The following CCSER1 variants were observed in gnomAD, a reference collection of about 807,000 sequenced individuals.
CCSER1 encodes coiled-coil serine rich protein 1, also known as serine-rich coiled-coil domain-containing protein 1.
Under a neutral mutation model 82.0 loss-of-function variants are expected in CCSER1, and 41 were observed. That is an observed-to-expected ratio of 0.50 (90% CI 0.39 to 0.65). The LOEUF (loss-of-function observed/expected upper bound fraction) is 0.65, where lower values mean the gene tolerates loss of function less well. Ranked by LOEUF, CCSER1 falls within the 30% of genes least tolerant of loss-of-function variation. CCSER1 has a pLI of 0.00. For missense variants in CCSER1, 1,119 were observed against 1,064.2 expected (o/e 1.05, Z -0.72); for synonymous variants, 414 against 383.9 (o/e 1.08, Z -0.92).
At chr4:91,392,363 G>GCA (rs142343973) in intron 10 of CCSER1, among the ~76,000 whole-genome samples, 2,401 of 148,172 alleles carry the variant, frequency 0.016, 44 homozygotes, top group African/African-American at 0.028. Flanking sequence ...ACCTACACAT[G>GCA]CACACACACA....
intron 7 of CCSER1, among the ~76,000 whole-genome samples, chr4:90,775,444 C>T (rs1033114118): frequency 1.3e-5 from 2 of 152,042 alleles, no homozygotes; most frequent in Admixed American, 6.6e-5. Context: ...AAATATAAAA[C>T]ATGGAGAGAC....
At chr4:91,067,119 G>T (rs1257290162) in intron 9 of CCSER1, among the ~76,000 whole-genome samples, 3 of 150,838 alleles carry the variant, frequency 2.0e-5, no homozygotes, top group Non-Finnish European at 4.4e-5. Flanking sequence ...AGCAGAGATC[G>T]CGCCACTGCA....
At chr4:90,540,691 G>T (rs1347888252) in intron 5 of CCSER1, among the ~76,000 whole-genome samples, 1 of 152,014 alleles carries the variant, frequency 6.6e-6, no homozygotes, top group Admixed American at 6.6e-5. Flanking sequence ...GAGTAACATG[G>T]CAGAGAGCTT....
chr4:90,194,852 C>A (rs6840859), intron 1 of CCSER1, among the ~76,000 whole-genome samples: 6 of 151,832 alleles, frequency 4.0e-5, no homozygotes, highest in Non-Finnish European at 8.8e-5. Context: ...AATGAGTATA[C>A]TCTTACTGTA....
intron 5 of CCSER1, among the ~76,000 whole-genome samples, chr4:90,555,590 G>A (rs1289989345): frequency 1.3e-5 from 2 of 151,962 alleles, no homozygotes; most frequent in Admixed American, 1.3e-4. Flanking sequence ...GTGTCAGAAT[G>A]ATTTGAATAT....
intron 7 of CCSER1, among the ~76,000 whole-genome samples, chr4:90,752,587 G>A (rs77892301): frequency 0.19 from 28,873 of 151,930 alleles, 3,329 homozygotes; most frequent in South Asian, 0.27. Flanking sequence ...TTTTCTTCCT[G>A]GGAGGTGAAA....
chr4:90,131,954 A>G (rs927887373), intron 1 of CCSER1, among the ~76,000 whole-genome samples: 1 of 152,340 alleles, frequency 6.6e-6, no homozygotes, highest in South Asian at 2.1e-4. Flanking sequence ...GAGCCTGTAC[A>G]TTCAATATGA....
intron 10 of CCSER1, among the ~76,000 whole-genome samples, chr4:91,199,535 A>T (rs192696953): frequency 6.6e-6 from 1 of 152,212 alleles, no homozygotes; most frequent in Non-Finnish European, 1.5e-5. Context: ...AGGTAAAATT[A>T]AAATTAATAT....
At chr4:91,005,532 A>T (rs1738430125) in intron 9 of CCSER1, among the ~76,000 whole-genome samples, 1 of 152,168 alleles carries the variant, frequency 6.6e-6, no homozygotes, top group Non-Finnish European at 1.5e-5. Flanking sequence ...ATCATTTTTT[A>T]AAATTTTTGG....
intron 4 of CCSER1, among the ~76,000 whole-genome samples, chr4:90,435,628 G>A (rs996821842): frequency 6.6e-6 from 1 of 152,106 alleles, no homozygotes; most frequent in Non-Finnish European, 1.5e-5. Context: ...CTCTGTAAGA[G>A]GTTGGGAGAC....
chr4:90,332,340 A>G (rs1739459875), intron 3 of CCSER1, among the ~76,000 whole-genome samples: 1 of 151,476 alleles, frequency 6.6e-6, no homozygotes, highest in South Asian at 2.1e-4. Flanking sequence ...GGGTTCAAGC[A>G]ATTCTCCTGC....
chr4:90,301,319 G>T (rs935108717), intron 1 of CCSER1, among the ~76,000 whole-genome samples: 2 of 152,024 alleles, frequency 1.3e-5, no homozygotes, highest in Admixed American at 6.6e-5. Flanking sequence ...CTATAATGTG[G>T]TACTCTGTTC....
intron 8 of CCSER1, among the ~76,000 whole-genome samples, chr4:90,914,722 A>AAG (rs1293438075): frequency 2.0e-5 from 3 of 151,750 alleles, no homozygotes; most frequent in African/African-American, 7.3e-5. Flanking sequence ...ATTGAAAAAA[A>AAG]AAAAAAACTT....
At chr4:91,058,595 T>C (rs756404661) in intron 9 of CCSER1, among the ~76,000 whole-genome samples, 42 of 152,084 alleles carry the variant, frequency 2.8e-4, no homozygotes, top group Non-Finnish European at 5.1e-4. Flanking sequence ...AAAATAACTT[T>C]GTCATCTTCA....
intron 10 of CCSER1, among the ~76,000 whole-genome samples, chr4:91,302,562 C>T (rs376187016): frequency 6.6e-6 from 1 of 151,938 alleles, no homozygotes; most frequent in Admixed American, 6.6e-5. Flanking sequence ...ATCAGATAAG[C>T]CTTCTACATA....
At chr4:90,994,624 T>C (rs1737330566) in intron 9 of CCSER1, among the ~76,000 whole-genome samples, 2 of 152,072 alleles carry the variant, frequency 1.3e-5, no homozygotes, top group African/African-American at 2.4e-5. Flanking sequence ...TAGGTAAATG[T>C]AGTAAAGCAA....
chr4:90,317,394 T>G (rs1163904074), intron 3 of CCSER1, among the ~76,000 whole-genome samples: 2 of 152,014 alleles, frequency 1.3e-5, no homozygotes, highest in South Asian at 4.2e-4. Flanking sequence ...GGCAGATCAC[T>G]TGAGGTCAGG....
chr4:90,420,068 A>G (rs1378053109), intron 4 of CCSER1, among the ~76,000 whole-genome samples: 1 of 152,000 alleles, frequency 6.6e-6, no homozygotes, highest in Non-Finnish European at 1.5e-5. Context: ...CTAATTGAGT[A>G]TGGGGACCAT....
At chr4:90,452,560 C>G (rs1333156107) in intron 4 of CCSER1, among the ~76,000 whole-genome samples, 1 of 152,194 alleles carries the variant, frequency 6.6e-6, no homozygotes, top group African/African-American at 2.4e-5. Context: ...CTTAGGTACC[C>G]TATGGGGTGC....
Sources: allele counts gnomAD v4.1 joint callset (sites outside exome capture counted in the v4.1 genomes callset), GRCh38; gene constraint gnomAD v4.1.1; transcripts MANE v1.5; gene names NCBI Gene and HGNC (gene_info 2026-07-23, HGNC 2026-07-21).